The following MYO1D variants were observed in gnomAD, a reference collection of about 807,000 sequenced individuals.
MYO1D encodes unconventional myosin-Id.
In MYO1D, 83 loss-of-function variants were observed where a neutral mutation model predicts 122.0. The observed-to-expected ratio is 0.68, with a 90% CI of 0.57 to 0.82. The LOEUF (loss-of-function observed/expected upper bound fraction) is 0.82, where lower values mean the gene tolerates loss of function less well. Ranked by LOEUF, MYO1D falls within the 40% of genes least tolerant of loss-of-function variation. The pLI is 0.00. For missense variants in MYO1D, 1,157 were observed against 1,269.5 expected, an observed-to-expected ratio of 0.91 and a Z score of 1.35; for synonymous variants, 464 against 446.9, an observed-to-expected ratio of 1.04 and a Z score of -0.48.
At chr17:32,501,658 A>G (rs1280888295) in intron 21 of MYO1D, among the ~76,000 whole-genome samples, 1 of 152,254 alleles carries the variant, frequency 6.6e-6, no homozygotes, top group East Asian at 1.9e-4. Flanking sequence ...AGAAGAATCC[A>G]GCACGTACCG....
intron 1 of MYO1D, among the ~76,000 whole-genome samples, chr17:32,868,578 G>A (rs1014700568): frequency 5.3e-5 from 8 of 152,148 alleles, no homozygotes; most frequent in African/African-American, 1.9e-4. Flanking sequence ...AAAATATCTA[G>A]CTCTCTAGCA....
intron 1 of MYO1D, among the ~76,000 whole-genome samples, chr17:32,830,831 G>A (rs994700239): frequency 4.6e-5 from 7 of 152,146 alleles, no homozygotes; most frequent in African/African-American, 7.2e-5. Flanking sequence ...AGATCGAGGC[G>A]GGCAGATCAC....
At chr17:32,566,919 G>T (rs2087179591) in intron 21 of MYO1D, among the ~76,000 whole-genome samples, 1 of 150,740 alleles carries the variant, frequency 6.6e-6, no homozygotes, top group African/African-American at 2.5e-5. Context: ...AGGAATGGGA[G>T]CCTCTGCATC....
chr17:32,652,836 T>C (rs950641323), intron 19 of MYO1D, among the ~76,000 whole-genome samples: 1 of 152,238 alleles, frequency 6.6e-6, no homozygotes, highest in African/African-American at 2.4e-5. Context: ...CCAAACCCTG[T>C]TTTATAGAAA....
At chr17:32,655,286 G>T (rs1056909229) in intron 17 of MYO1D, among the ~76,000 whole-genome samples, 1 of 152,180 alleles carries the variant, frequency 6.6e-6, no homozygotes, top group African/African-American at 2.4e-5. Flanking sequence ...TGTAGGCAGT[G>T]GGGGCACAGT....
intron 19 of MYO1D, among the ~76,000 whole-genome samples, chr17:32,649,449 A>G (rs2088353435): frequency 6.6e-6 from 1 of 151,982 alleles, no homozygotes; most frequent in Admixed American, 6.6e-5. Flanking sequence ...GGATCATACA[A>G]TATTTATCCA....
At chr17:32,655,430 T>A (rs1186975785) in intron 17 of MYO1D, among the ~76,000 whole-genome samples, 1 of 151,976 alleles carries the variant, frequency 6.6e-6, no homozygotes, top group African/African-American at 2.4e-5. Context: ...GTGTGGAAGA[T>A]GGAAGGAATG....
chr17:32,800,695 GTTT>G (rs573614080), intron 1 of MYO1D, among the ~76,000 whole-genome samples: 1 of 150,444 alleles, frequency 6.6e-6, no homozygotes, highest in East Asian at 1.9e-4. Flanking sequence ...ATTTGTTTTT[GTTT>G]TTTTTTGTTT....
chr17:32,612,556 C>T (rs1003301042), intron 20 of MYO1D, among the ~76,000 whole-genome samples: 3 of 151,048 alleles, frequency 2.0e-5, no homozygotes, highest in Admixed American at 2.0e-4. Flanking sequence ...TGTGGTGGTG[C>T]GTGCCTGTAG....
intron 13 of MYO1D, among the ~76,000 whole-genome samples, chr17:32,744,090 G>A (rs2089803040): frequency 6.6e-6 from 1 of 151,960 alleles, no homozygotes; most frequent in Admixed American, 6.5e-5. Flanking sequence ...GTGGACTCAG[G>A]CTCTTTATGA....
intron 21 of MYO1D, among the ~76,000 whole-genome samples, chr17:32,545,874 A>T (rs951341432): frequency 3.9e-5 from 6 of 151,938 alleles, no homozygotes; most frequent in African/African-American, 1.2e-4. Context: ...CACAATAAGA[A>T]TTTAAGGTCT....
At chr17:32,810,134 A>T (rs1354095354) in intron 1 of MYO1D, among the ~76,000 whole-genome samples, 1 of 152,114 alleles carries the variant, frequency 6.6e-6, no homozygotes, top group East Asian at 1.9e-4. Context: ...AAAGGGGAGG[A>T]AGTAGTGGGT....
chr17:32,774,311 C>T (rs1018818741), intron 4 of MYO1D, among the ~76,000 whole-genome samples: 3 of 152,206 alleles, frequency 2.0e-5, no homozygotes, highest in African/African-American at 4.8e-5. Flanking sequence ...GTTTCCCCTG[C>T]AATTCTTTGA....
At chr17:32,601,090 G>A (rs981781638) in intron 21 of MYO1D, among the ~76,000 whole-genome samples, 2 of 151,776 alleles carry the variant, frequency 1.3e-5, no homozygotes, top group African/African-American at 4.8e-5. Flanking sequence ...GCACCACCAT[G>A]CTTGACTAAC....
At chr17:32,606,923 G>A (rs2087635162) in intron 20 of MYO1D, among the ~76,000 whole-genome samples, 1 of 152,214 alleles carries the variant, frequency 6.6e-6, no homozygotes, top group Non-Finnish European at 1.5e-5. Context: ...ACTTTGGGAG[G>A]CTGAGGTGGG....
At chr17:32,669,493 CTTT>C (rs2088680470) in intron 16 of MYO1D, among the ~76,000 whole-genome samples, 2 of 152,178 alleles carry the variant, frequency 1.3e-5, no homozygotes, top group Non-Finnish European at 2.9e-5. Context: ...TCTACCACTT[CTTT>C]AGGTTTTTCA....
intron 19 of MYO1D, among the ~76,000 whole-genome samples, chr17:32,646,895 A>G (rs59447422): frequency 0.014 from 2,165 of 152,278 alleles, 57 homozygotes; most frequent in African/African-American, 0.05. Flanking sequence ...TTCTACATAT[A>G]GATGTAAATT....
intron 20 of MYO1D, among the ~76,000 whole-genome samples, chr17:32,630,180 C>T (rs2087985329): frequency 6.6e-6 from 1 of 152,018 alleles, no homozygotes; most frequent in Non-Finnish European, 1.5e-5. Context: ...GCTGAGAGGA[C>T]CTAAAAGAAA....
At chr17:32,865,026 C>T (rs918153471) in intron 1 of MYO1D, among the ~76,000 whole-genome samples, 2 of 152,170 alleles carry the variant, frequency 1.3e-5, no homozygotes, top group East Asian at 1.9e-4. Context: ...AGACGGAACA[C>T]GGGATAAGAT....
Sources: allele counts gnomAD v4.1 joint callset (sites outside exome capture counted in the v4.1 genomes callset), GRCh38; gene constraint gnomAD v4.1.1; transcripts MANE v1.5; gene names NCBI Gene and HGNC (gene_info 2026-07-23, HGNC 2026-07-21).